PRPF6: variants seen among roughly 807,000 people sequenced by gnomAD.
The protein encoded by PRPF6 is pre-mRNA-processing factor 6.
A neutral mutation model predicts 118.3 loss-of-function variants in PRPF6; 42 were observed. The observed-to-expected ratio is 0.35, with a 90% CI of 0.28 to 0.46. PRPF6 has a LOEUF of 0.46. PRPF6 is among the 20% of genes least tolerant of loss of function. The pLI, the probability that PRPF6 is intolerant of heterozygous loss-of-function variation, is 1.00. For synonymous variants in PRPF6, 481 were observed against 485.1 expected (o/e 0.99, Z 0.11); for missense variants, 662 against 1,255.7 (o/e 0.53, Z 7.15).
chr20:64,003,525 C>T lies in PRPF6; in HGVS notation c.1186+2286C>T, dbSNP rs62218089. Among the ~76,000 whole-genome samples, 964 of 152,330 alleles carry T rather than the reference C, an allele frequency of 6.3e-3. 6 individuals carry two copies. The highest frequency in any genetic ancestry group is 0.013 in the South Asian group (65 of 4,828). ...CCGACCCTGTGCACTCACATGTGAA[C>T]GTGCTTTCCTCTGTCGAGGCTGGTT... On this transcript the variant is annotated intron_variant, in intron 9 of 20. Coordinates refer to ENST00000266079, the MANE Select transcript of PRPF6 (RefSeq NM_012469.4).
chr20:63,994,912 C>T lies in PRPF6; in HGVS notation c.439-4C>T, dbSNP rs371780214. The T allele has an allele frequency of 3.2e-5, 52 of 1,614,012 alleles. No individual in the cohort carries two copies. Among genetic ancestry groups the T allele is most frequent in the Non-Finnish European group, 4.3e-5 (51 of 1,180,048 alleles). On this transcript the variant is annotated splice_region_variant and splice_polypyrimidine_tract_variant and intron_variant, in intron 4 of 20. Transcript: ENST00000266079. ...TAATGTTTTTGGGGGCTGGATATTT[C>T]CAGAGGAAGTTGGCAGAAGTCACAG...
intron 9 of PRPF6, among the ~76,000 whole-genome samples, chr20:64,004,652 A>G (rs1454480646): frequency 2.0e-5 from 3 of 152,132 alleles, no homozygotes; most frequent in Admixed American, 6.5e-5. Flanking sequence ...AACCTTAGGC[A>G]TGGTGCTTGG....
Position 64,026,710 on chromosome 20 carries a change from G to T in PRPF6, c.2029-272G>T, listed in dbSNP as rs1191862261. Among the ~76,000 whole-genome samples, 1 of 151,964 alleles carries T rather than the reference G, an allele frequency of 6.6e-6. No homozygotes were observed. The highest frequency in any genetic ancestry group is 1.5e-5 in the Non-Finnish European group (1 of 68,014). On this transcript the variant is annotated intron_variant, in intron 15 of 20. Coordinates refer to ENST00000266079, the MANE Select transcript of PRPF6 (RefSeq NM_012469.4). This position sits in a 1 kb window ranked among gnomAD's most constrained non-coding sequence, Gnocchi z 4.4. Reference sequence around the variant, plus strand: ...AGCTACTTGGGAGGCTGAGGCAGGAGAATGGTGTGAACCCAGCAGGTGGAG... The same window carrying T: ...AGCTACTTGGGAGGCTGAGGCAGGATAATGGTGTGAACCCAGCAGGTGGAG...
intron 12 of PRPF6, among the ~76,000 whole-genome samples, chr20:64,018,713 T>C (rs2059250129): frequency 6.6e-6 from 1 of 152,064 alleles, no homozygotes; most frequent in African/African-American, 2.4e-5. Context: ...TGATCCCACC[T>C]CAGCCTCCCA....
At chr20:63,990,071 C>T (rs2059111900) in intron 3 of PRPF6, among the ~76,000 whole-genome samples, 2 of 151,954 alleles carry the variant, frequency 1.3e-5, no homozygotes, top group Admixed American at 1.3e-4. Flanking sequence ...CCAGGCCGGT[C>T]TTGAACTCCT....
intron 3 of PRPF6, among the ~76,000 whole-genome samples, chr20:63,986,573 C>G (rs1601508279): frequency 6.7e-6 from 1 of 150,062 alleles, no homozygotes; most frequent in African/African-American, 2.4e-5. Flanking sequence ...ACTGCAACCT[C>G]CACCTCCTGG....
Position 64,027,652 on chromosome 20 carries a change from TGGA to T in PRPF6, c.2260_2262del (p.Glu754del). The T allele has an allele frequency of 1.9e-6, 3 of 1,614,042 alleles. No homozygotes were observed. The highest frequency in any genetic ancestry group is 2.5e-6 in the Non-Finnish European group (3 of 1,180,002). ...CCCCTGTGGCTTTTGCTCTCTCGGC[TGGA>T]GGAGAAGATTGGGCAGCTTACTCGA... On this transcript the variant is annotated inframe_deletion, in exon 17 of 21. Coordinates refer to ENST00000266079, the MANE Select transcript of PRPF6 (RefSeq NM_012469.4). The surrounding 1 kb of genome is among the most constrained non-coding windows in gnomAD (Gnocchi z 6.5).
chr20:63,999,744 G>A lies in PRPF6; in HGVS notation c.1008G>A (p.Thr336=), dbSNP rs754435873. The change falls in exon 8 of 21, where the codon ACG becomes ACA. Residue 336 remains threonine (T), a synonymous_variant. Transcript: ENST00000266079. ...CTCGGAACCTTATCATGAAGGGGAC[G>A]GAGATGTGCCCCAAGGTGAGGTATT... The part of the protein sequence containing the change: ...QVARNLIMKG[T]EMCPKSEDVW... 7 of 1,614,016 alleles carry A rather than the reference G, an allele frequency of 4.3e-6. No homozygotes were observed. Among genetic ancestry groups the A allele is most frequent in the East Asian group, 2.2e-5 (1 of 44,894 alleles).
intron 3 of PRPF6, among the ~76,000 whole-genome samples, chr20:63,989,210 C>T (rs1433776117): frequency 1.3e-5 from 2 of 152,096 alleles, no homozygotes; most frequent in African/African-American, 2.4e-5. Context: ...AAACTAGACC[C>T]CTCTCTGTCA....
intron 6 of PRPF6, 133 bp downstream of exon 6, chr20:63,995,615 C>CTTT: frequency 1.6e-5 from 14 of 886,062 alleles, no homozygotes; most frequent in Non-Finnish European, 2.2e-5. Flanking sequence ...TCTCCTTCTC[C>CTTT]TTTTTTTTTT....
rs2059303079 is a variant in PRPF6 at position 64,028,925 on chromosome 20, C to T, written c.2431+356C>T. On this transcript the variant is annotated intron_variant, in intron 18 of 20. Coordinates refer to ENST00000266079, the MANE Select transcript of PRPF6 (RefSeq NM_012469.4). The surrounding 1 kb of genome is among the most constrained non-coding windows in gnomAD (Gnocchi z 6.5). ...CCTGTAATCTCAGCACTTTGAGAGA[C>T]TGAGGCGGGAGGATTGCTTGAGTCC... Among the ~76,000 whole-genome samples, 1 of 152,174 alleles carries T rather than the reference C, an allele frequency of 6.6e-6. No homozygotes were observed. The highest frequency in any genetic ancestry group is 2.4e-5 in the African/African-American group (1 of 41,436).
At chr20:64,021,142 T>C (rs2059260560) in intron 12 of PRPF6, among the ~76,000 whole-genome samples, 1 of 151,902 alleles carries the variant, frequency 6.6e-6, no homozygotes, top group African/African-American at 2.4e-5. Flanking sequence ...TTACAGCATG[T>C]GTGTGTGTGT....
At position 64,010,226 on chromosome 20, in the gene PRPF6, C is replaced by A. The variant is rs2059210093; in HGVS notation, c.1213C>A (p.Arg405Ser). 1.2e-6 allele frequency: 2 copies of A among 1,614,024 alleles called. No homozygotes were observed. The highest frequency in any genetic ancestry group is 1.7e-6 in the Non-Finnish European group (2 of 1,180,044). Residue 405 changes from arginine to serine, a missense_variant, in exon 10 of 21, where the codon CGC becomes AGC. This residue lies in a region of PRPF6 where 189 missense variants were observed against 323.5 expected (regional missense o/e 0.58). Coordinates refer to ENST00000266079, the MANE Select transcript of PRPF6 (RefSeq NM_012469.4). ...KALEHVPNSV[R>S]LWKAAVELEE... The stretch of plus-strand genomic sequence containing the variant: ...CCTCGAGCATGTTCCAAACTCGGTT[C>A]GCTTGTGGAAAGCAGCCGTTGAGCT...
At position 64,011,317 on chromosome 20, in the gene PRPF6, T is replaced by G; in HGVS notation, c.1338T>G (p.Tyr446Ter). Residue 446 changes from tyrosine (Y) to a stop codon, truncating the protein, a stop_gained, in exon 11 of 21, where the codon TAT becomes TAG. Transcript: ENST00000266079. LOFTEE classifies it high-confidence loss of function. The surrounding 1 kb of genome is among the most constrained non-coding windows in gnomAD (Gnocchi z 6.7). ...LWLALARLET[Y>*]ENARKVLNKA... The stretch of plus-strand genomic sequence containing the variant: ...TTGCTCTGGCAAGGCTGGAGACCTA[T>G]GAAAATGCCCGCAAGGTCTTGAACA... The G allele has an allele frequency of 1.2e-6, 2 of 1,614,150 alleles. No homozygotes were observed. The highest frequency in any genetic ancestry group is 4.5e-5 in the East Asian group (2 of 44,880).
chr20:63,993,226 A>ATGTGTGTGTGTGTGTGTG (rs61077852), intron 3 of PRPF6, among the ~76,000 whole-genome samples, 181 bp from the exon 4 acceptor site: 1 of 129,298 alleles, frequency 7.7e-6, no homozygotes, highest in Non-Finnish European at 1.6e-5. Flanking sequence ...AAAAAAAAAA[A>ATGTGTGTGTGTGTGTGTG]TGTGTGTGTG....
chr20:64,022,932 T>C (rs2059273036), intron 13 of PRPF6, 54 bp downstream of exon 13: 2 of 1,612,474 alleles, frequency 1.2e-6, no homozygotes, highest in Admixed American at 1.7e-5. Flanking sequence ...CCAGCTCCAT[T>C]TGTGTAGCCC....
rs1005693056 is a variant in PRPF6 at position 63,994,235 on chromosome 20, G to C, written c.439-681G>C. Among the ~76,000 whole-genome samples the C allele has an allele frequency of 4.8e-5, 7 of 147,036 alleles. No individual in the cohort carries two copies. In the South Asian group the frequency reaches 1.5e-3, roughly 31 times the overall value. On this transcript the variant is annotated intron_variant, in intron 4 of 20. Coordinates refer to ENST00000266079, the MANE Select transcript of PRPF6 (RefSeq NM_012469.4). ...TGCAATGACGCGATCTCAGCTCACC[G>C]CAACCTCCGCCTCCCAGGTTCAAAC...
intron 11 of PRPF6, among the ~76,000 whole-genome samples, chr20:64,014,294 A>G (rs1259920014): frequency 1.3e-5 from 2 of 152,048 alleles, no homozygotes; most frequent in Non-Finnish European, 2.9e-5. Context: ...CATTTTATAT[A>G]CAGATGTTCA....
intron 12 of PRPF6, 104 bp from the exon 13 acceptor site, chr20:64,022,653 G>C: frequency 6.5e-7 from 1 of 1,531,600 alleles, no homozygotes; most frequent in Non-Finnish European, 9.0e-7. Context: ...ACACCTTCTA[G>C]CAGATATCAT....
Sources: gnomAD v4.1 joint callset for allele counts (sites outside exome capture counted in the v4.1 genomes callset) on GRCh38, gnomAD v4.1.1 for gene constraint, gnomAD v4.1.1 regional missense constraint, Gnocchi (gnomAD v3.1) non-coding constraint, MANE v1.5 for transcripts, NCBI Gene and HGNC (gene_info 2026-07-23, HGNC 2026-07-21) for gene names.